The following DNAJC11 variants were observed in gnomAD, a reference collection of about 807,000 sequenced individuals.
The protein encoded by DNAJC11 is DnaJ heat shock protein family (Hsp40) member C11.
Under a neutral mutation model 78.6 loss-of-function variants are expected in DNAJC11, and 15 were observed. That is an observed-to-expected ratio of 0.19 (90% CI 0.13 to 0.29). DNAJC11 has a LOEUF of 0.29. DNAJC11 is among the 10% of genes least tolerant of loss of function. The pLI is 1.00. For missense variants in DNAJC11, 547 were observed against 709.6 expected, an observed-to-expected ratio of 0.77 and a Z score of 2.60; for synonymous variants, 292 against 272.1, an observed-to-expected ratio of 1.07 and a Z score of -0.72.
rs1641743303 is a variant in DNAJC11 at position 6,635,407 on chromosome 1, A to C, written c.*268T>G. The C allele has an allele frequency of 2.2e-6, 1 of 445,360 alleles. No individual in the cohort carries two copies. The allele number at this position is 445,360 out of a possible 1,614,324, so 27.6% of individuals were successfully genotyped here. On this transcript the variant is annotated 3_prime_UTR_variant, in exon 16 of 16. Coordinates refer to ENST00000377577, the MANE Select transcript of DNAJC11 (RefSeq NM_018198.4). ...CGGGACACAGCGGAGTCAGGGCCAG[A>C]GCCCTTCCCTCCAGGAACTGATCCT... is the stretch of plus-strand genomic sequence containing the variant.
intron 1 of DNAJC11, among the ~76,000 whole-genome samples, chr1:6,686,396 C>T (rs1023157706): frequency 9.9e-5 from 15 of 152,192 alleles, no homozygotes; most frequent in African/African-American, 3.4e-4. Context: ...ACTGCAGTAA[C>T]AAACAATCCA....
At chr1:6,666,385 C>CTTTTTTTT (rs767579276) in intron 4 of DNAJC11, among the ~76,000 whole-genome samples, 9 of 120,606 alleles carry the variant, frequency 7.5e-5, no homozygotes, top group Middle Eastern at 4.5e-3. Flanking sequence ...TCTTTCTTTT[C>CTTTTTTTT]TTTTTTTTTT....
At chr1:6,687,851 G>GT (rs1642682343) in intron 1 of DNAJC11, among the ~76,000 whole-genome samples, 1 of 152,174 alleles carries the variant, frequency 6.6e-6, no homozygotes, top group African/African-American at 2.4e-5. Context: ...GTAGACTGGA[G>GT]TAACTCATTC....
At chr1:6,638,253 T>C in intron 12 of DNAJC11, 42 bp downstream of exon 12, 1 of 1,590,786 alleles carries the variant, frequency 6.3e-7, no homozygotes, top group Non-Finnish European at 8.6e-7. Context: ...GTGGAGTGTG[T>C]CCCCTACAGC....
chr1:6,671,701 TTTTTGTA>T (rs1467255478), intron 3 of DNAJC11, among the ~76,000 whole-genome samples: 1 of 150,310 alleles, frequency 6.7e-6, no homozygotes, highest in African/African-American at 2.5e-5. Flanking sequence ...CCGGCTAATT[TTTTTGTA>T]TTTTTAGTAC....
intron 3 of DNAJC11, among the ~76,000 whole-genome samples, chr1:6,677,338 G>A (rs1570302102): frequency 6.6e-6 from 1 of 152,008 alleles, no homozygotes; most frequent in African/African-American, 2.4e-5. Context: ...TGTTGCCCAC[G>A]TTAGAGTGTA....
intron 4 of DNAJC11, among the ~76,000 whole-genome samples, chr1:6,660,040 A>G (rs1419724746): frequency 6.7e-6 from 1 of 149,830 alleles, no homozygotes; most frequent in Non-Finnish European, 1.5e-5. Context: ...TGGGCAACAG[A>G]GCAAGACTCT....
intron 1 of DNAJC11, among the ~76,000 whole-genome samples, chr1:6,700,224 A>C (rs1261534611): frequency 1.3e-5 from 2 of 151,974 alleles, no homozygotes; most frequent in African/African-American, 4.8e-5. Flanking sequence ...TGTGAGATCC[A>C]CCCCCTGCCC....
intron 1 of DNAJC11, among the ~76,000 whole-genome samples, chr1:6,697,413 G>A (rs1642854603): frequency 6.6e-6 from 1 of 152,106 alleles, no homozygotes. Flanking sequence ...TGTTCCACCT[G>A]GGATCATCAG....
At chr1:6,636,328 G>A in intron 14 of DNAJC11, 82 bp from the exon 15 acceptor site, 2 of 1,563,224 alleles carry the variant, frequency 1.3e-6, no homozygotes, top group Non-Finnish European at 8.7e-7. Flanking sequence ...GAGGGGCAGT[G>A]TGCACAGGCT....
At chr1:6,661,061 T>C (rs1642204470) in intron 4 of DNAJC11, among the ~76,000 whole-genome samples, 1 of 152,270 alleles carries the variant, frequency 6.6e-6, no homozygotes, top group African/African-American at 2.4e-5. Context: ...GTGCCAGGTG[T>C]ACAGTGTGCT....
chr1:6,650,527 T>C (rs989123056), intron 7 of DNAJC11, among the ~76,000 whole-genome samples: 3 of 151,406 alleles, frequency 2.0e-5, no homozygotes, highest in African/African-American at 7.3e-5. Context: ...GATCGGACTA[T>C]TGCACTCTAG....
At chr1:6,686,140 C>A (rs933201766) in intron 1 of DNAJC11, among the ~76,000 whole-genome samples, 2 of 152,130 alleles carry the variant, frequency 1.3e-5, no homozygotes, top group African/African-American at 2.4e-5. Flanking sequence ...TAATTTCTGA[C>A]TAAATATCGA....
chr1:6,695,112 C>T (rs1256131594), intron 1 of DNAJC11, among the ~76,000 whole-genome samples: 1 of 150,290 alleles, frequency 6.7e-6, no homozygotes, highest in Non-Finnish European at 1.5e-5. Context: ...TGCCACTGCG[C>T]TCCAGCCTGG....
At chr1:6,663,222 C>T (rs947162742) in intron 4 of DNAJC11, among the ~76,000 whole-genome samples, 1 of 152,166 alleles carries the variant, frequency 6.6e-6, no homozygotes, top group African/African-American at 2.4e-5. Context: ...AAATCTCCAT[C>T]AAACTATTTT....
chr1:6,642,744 C>T (rs961254978), intron 10 of DNAJC11, among the ~76,000 whole-genome samples: 8 of 152,138 alleles, frequency 5.3e-5, no homozygotes, highest in African/African-American at 1.7e-4. Context: ...GAAGGTTCTT[C>T]GTTTCTGGGG....
At position 6,680,164 on chromosome 1, in the gene DNAJC11, T is replaced by C. The variant is rs1461597836; in HGVS notation, c.202+744A>G. Among the ~76,000 whole-genome samples, 1 of 152,250 alleles carries C rather than the reference T, an allele frequency of 6.6e-6. No homozygotes were observed. The highest frequency in any genetic ancestry group is 1.5e-5 in the Non-Finnish European group (1 of 68,040). On this transcript the variant is annotated intron_variant, in intron 2 of 15. Coordinates refer to ENST00000377577, the MANE Select transcript of DNAJC11 (RefSeq NM_018198.4). The surrounding 1 kb of genome is among the most constrained non-coding windows in gnomAD (Gnocchi z 4.0). ...CAAATAACTTATTGTAGTTGATGTATATAACAGTGATTTAACATTTTTTTT... is the reference window on the plus strand; with the variant it reads ...CAAATAACTTATTGTAGTTGATGTACATAACAGTGATTTAACATTTTTTTT...
rs768953446 is a variant in DNAJC11, at chr1:6,638,295, A to C, written c.1323T>G (p.Ala441=). Residue 441 remains alanine, a splice_region_variant and synonymous_variant, in exon 12 of 16, where the codon GCT becomes GCG. Coordinates refer to ENST00000377577, the MANE Select transcript of DNAJC11 (RefSeq NM_018198.4). ...VLQKKQEAES[A]VRLMQESVRR... is the part of the protein sequence containing the mutation. Reference sequence around the variant, plus strand: ...TTGGGAACGGTGGGGCAGCACTCACAGCGGACTCCGCCTCTTGCTTCTTCT... The same window carrying C: ...TTGGGAACGGTGGGGCAGCACTCACCGCGGACTCCGCCTCTTGCTTCTTCT... 1 of 1,612,976 alleles carries C rather than the reference A, an allele frequency of 6.2e-7. No individual in the cohort carries two copies.
At chr1:6,690,113 A>G (rs181280269) in intron 1 of DNAJC11, among the ~76,000 whole-genome samples, 1 of 152,326 alleles carries the variant, frequency 6.6e-6, no homozygotes, top group African/African-American at 2.4e-5. Context: ...AACCCGAAAG[A>G]TTGTTAGAAA....
Sources: allele counts gnomAD v4.1 joint callset (sites outside exome capture counted in the v4.1 genomes callset), GRCh38; gene constraint gnomAD v4.1.1; non-coding constraint Gnocchi (gnomAD v3.1); transcripts MANE v1.5; gene names NCBI Gene and HGNC (gene_info 2026-07-23, HGNC 2026-07-21).